Variants in SEMA6D observed in about 807,000 individuals in gnomAD.
The protein encoded by SEMA6D is semaphorin 6D, also known as semaphorin-6D.
A neutral mutation model predicts 106.6 loss-of-function variants in SEMA6D; 35 were observed. The observed-to-expected ratio is 0.33, with a 90% CI of 0.25 to 0.44. SEMA6D has a LOEUF of 0.44. Among genes scored for constraint, SEMA6D ranks in the 20% least tolerant of loss-of-function variants. The pLI is 1.00. For missense variants in SEMA6D, 1,185 were observed against 1,345.9 expected (o/e 0.88, Z 1.87); for synonymous variants, 499 against 487.7 (o/e 1.02, Z -0.31).
intron 1 of SEMA6D, among the ~76,000 whole-genome samples, chr15:47,742,411 A>T (rs1055104217): frequency 3.9e-5 from 6 of 152,008 alleles, no homozygotes; most frequent in Non-Finnish European, 7.4e-5. Flanking sequence ...CACGGGAGGG[A>T]TCCCTCCTGT....
chr15:47,545,248 A>G (rs2045484086), intron 3 of SEMA6D, among the ~76,000 whole-genome samples: 1 of 152,310 alleles, frequency 6.6e-6, no homozygotes, highest in East Asian at 1.9e-4. Flanking sequence ...GGAAAAAAGT[A>G]TAACCAATTG....
chr15:47,251,811 A>C (rs906263757), intron 1 of SEMA6D, among the ~76,000 whole-genome samples: 1 of 151,326 alleles, frequency 6.6e-6, no homozygotes, highest in South Asian at 2.1e-4. Flanking sequence ...ATTATTAAAG[A>C]TATTGAACCT....
intron 1 of SEMA6D, among the ~76,000 whole-genome samples, chr15:47,265,153 C>T (rs10851448): frequency 0.41 from 62,933 of 151,806 alleles, 16,112 homozygotes; most frequent in Non-Finnish European, 0.57. Context: ...GTTCTCTTCT[C>T]TCCTATTTTT....
At chr15:47,238,057 T>A (rs1376627335) in intron 1 of SEMA6D, among the ~76,000 whole-genome samples, 1 of 152,142 alleles carries the variant, frequency 6.6e-6, no homozygotes, top group African/African-American at 2.4e-5. Context: ...ACACAAGTAT[T>A]CTGACAGTAG....
chr15:47,690,522 G>T (rs1409823664), intron 4 of SEMA6D, among the ~76,000 whole-genome samples: 3 of 152,040 alleles, frequency 2.0e-5, no homozygotes, highest in Non-Finnish European at 4.4e-5. Flanking sequence ...CTTCAAATGT[G>T]CACAGATGTT....
At chr15:47,583,052 A>G (rs898051063) in intron 3 of SEMA6D, among the ~76,000 whole-genome samples, 1 of 152,220 alleles carries the variant, frequency 6.6e-6, no homozygotes, top group African/African-American at 2.4e-5. Flanking sequence ...CACTATTCTC[A>G]GTGCTAGGAA....
chr15:47,495,537 T>C (rs1273841039), intron 3 of SEMA6D, among the ~76,000 whole-genome samples: 1 of 151,992 alleles, frequency 6.6e-6, no homozygotes, highest in Non-Finnish European at 1.5e-5. Flanking sequence ...TATGAATCCA[T>C]GAATCGCAAA....
intron 1 of SEMA6D, among the ~76,000 whole-genome samples, chr15:47,384,162 T>C (rs2039737491): frequency 6.6e-6 from 1 of 152,114 alleles, no homozygotes; most frequent in African/African-American, 2.4e-5. Context: ...CACGAGGTCC[T>C]CCCAACCCAG....
chr15:47,218,979 C>A (rs2030938041), intron 1 of SEMA6D, among the ~76,000 whole-genome samples: 2 of 152,164 alleles, frequency 1.3e-5, no homozygotes, highest in Admixed American at 1.3e-4. Flanking sequence ...GTTTTCTACT[C>A]CAATGACTTC....
intron 2 of SEMA6D, among the ~76,000 whole-genome samples, chr15:47,422,144 A>T (rs1278954902): frequency 7.2e-6 from 1 of 138,444 alleles, no homozygotes; most frequent in Non-Finnish European, 1.6e-5. Context: ...TTTAATTTAA[A>T]ATTAACACTC....
At chr15:47,360,737 A>G (rs1383622155) in intron 1 of SEMA6D, among the ~76,000 whole-genome samples, 1 of 152,256 alleles carries the variant, frequency 6.6e-6, no homozygotes, top group Non-Finnish European at 1.5e-5. Context: ...AACTACCTCC[A>G]CTGATTAATT....
chr15:47,382,808 C>T (rs2039689608), intron 1 of SEMA6D, among the ~76,000 whole-genome samples: 1 of 152,194 alleles, frequency 6.6e-6, no homozygotes, highest in Non-Finnish European at 1.5e-5. Context: ...TGTTCTGTTG[C>T]CCAGGCTGAA....
At chr15:47,712,413 T>C (rs571776098) in intron 4 of SEMA6D, among the ~76,000 whole-genome samples, 1 of 152,308 alleles carries the variant, frequency 6.6e-6, no homozygotes, top group South Asian at 2.1e-4. Context: ...CAGAAAACCC[T>C]AATAAGATAG....
At chr15:47,506,587 T>C (rs1276599569) in intron 3 of SEMA6D, among the ~76,000 whole-genome samples, 1 of 94,378 alleles carries the variant, frequency 1.1e-5, no homozygotes, top group Non-Finnish European at 2.0e-5. Context: ...CATGGGCATT[T>C]ACACACACAC....
In SEMA6D at chr15:47,538,031, G is replaced by A. The variant is rs557510098; in HGVS notation, c.-86-62834G>A. On this transcript the variant is annotated intron_variant, in intron 3 of 19. Coordinates refer to the SEMA6D transcript ENST00000558014. ...TGAGACTGGATGTGCTCTTCAAGGA[G>A]ATGATTCAGAAAGAAGCAAGGCAGA... is the stretch of plus-strand genomic sequence containing the variant. Among the ~76,000 whole-genome samples the A allele has an allele frequency of 5.9e-5, 9 of 152,314 alleles. No individual in the cohort carries two copies. The South Asian group carries it at 1.9e-3, about 32-fold the overall frequency.
intron 1 of SEMA6D, among the ~76,000 whole-genome samples, chr15:47,364,671 C>A (rs1435081226): frequency 6.6e-6 from 1 of 152,140 alleles, no homozygotes; most frequent in East Asian, 1.9e-4. Context: ...CATCACTCCA[C>A]GGCCTCTTTC....
chr15:47,467,593 G>A (rs867588997), intron 2 of SEMA6D, among the ~76,000 whole-genome samples: 9 of 152,256 alleles, frequency 5.9e-5, no homozygotes, highest in Middle Eastern at 3.4e-3. Context: ...AAAAAAAGCT[G>A]TTGAATTAGG....
chr15:47,643,264 C>G (rs2077522715), intron 4 of SEMA6D, among the ~76,000 whole-genome samples: 1 of 152,170 alleles, frequency 6.6e-6, no homozygotes, highest in African/African-American at 2.4e-5. Context: ...TGCCTTTCCC[C>G]ACTACGTAAA....
At chr15:47,614,248 G>GCAT (rs2076965876) in intron 4 of SEMA6D, among the ~76,000 whole-genome samples, 1 of 152,104 alleles carries the variant, frequency 6.6e-6, no homozygotes, top group South Asian at 2.1e-4. Flanking sequence ...CACTTCCCTG[G>GCAT]CATCTCTCTG....
Sources: gnomAD v4.1 joint callset for allele counts (sites outside exome capture counted in the v4.1 genomes callset) on GRCh38, gnomAD v4.1.1 for gene constraint, MANE v1.5 for transcripts, NCBI Gene and HGNC (gene_info 2026-07-23, HGNC 2026-07-21) for gene names.